CCDC178: variants seen among roughly 807,000 people sequenced by gnomAD.
CCDC178 encodes coiled-coil domain containing 178, also known as coiled-coil domain-containing protein 178.
A neutral mutation model predicts 117.4 loss-of-function variants in CCDC178; 126 were observed. The observed-to-expected ratio is 1.07, with a 90% CI of 0.93 to 1.24. The LOEUF (loss-of-function observed/expected upper bound fraction) is 1.24. Ranked by LOEUF, CCDC178 falls within the 50% of genes most tolerant of loss-of-function variation. The probability of loss-of-function intolerance (pLI) is 0.00; values close to 1 mark genes in which losing one functional copy is unlikely to be tolerated. For synonymous variants in CCDC178, 283 were observed against 313.4 expected (o/e 0.90, Z 1.02); for missense variants, 1,030 against 986.9 (o/e 1.04, Z -0.59).
At chr18:33,128,622 T>C (rs941264570) in intron 20 of CCDC178, among the ~76,000 whole-genome samples, 12 of 152,148 alleles carry the variant, frequency 7.9e-5, no homozygotes, top group Non-Finnish European at 1.0e-4. Context: ...AAAATTGCCT[T>C]TTTATTTAAT....
intron 20 of CCDC178, among the ~76,000 whole-genome samples, chr18:33,121,171 T>C (rs762919529): frequency 6.6e-6 from 1 of 152,152 alleles, no homozygotes; most frequent in Non-Finnish European, 1.5e-5. Flanking sequence ...GAAATTATCA[T>C]AGATAAACTG....
chr18:33,219,008 T>C (rs186332541), intron 18 of CCDC178, among the ~76,000 whole-genome samples: 2 of 152,258 alleles, frequency 1.3e-5, no homozygotes, highest in Admixed American at 1.3e-4. Context: ...GGTAGCTTGA[T>C]GGGGATGGCA....
chr18:33,150,829 T>C (rs914794336), intron 20 of CCDC178, among the ~76,000 whole-genome samples: 1 of 152,208 alleles, frequency 6.6e-6, no homozygotes. Context: ...TGCACACGGA[T>C]GGTTTATAGC....
chr18:33,390,130 GAT>G (rs758277830), intron 4 of CCDC178, among the ~76,000 whole-genome samples: 6 of 150,780 alleles, frequency 4.0e-5, no homozygotes, highest in Non-Finnish European at 5.9e-5. Context: ...AAATAAATAA[GAT>G]ATGTAGGATT....
chr18:33,047,429 T>C (rs1267469888), intron 21 of CCDC178, among the ~76,000 whole-genome samples: 3 of 152,212 alleles, frequency 2.0e-5, no homozygotes, highest in Admixed American at 6.5e-5. Context: ...CTGGCTATGT[T>C]TGTCAACTAT....
At chr18:33,264,912 G>A (rs556283369) in intron 14 of CCDC178, among the ~76,000 whole-genome samples, 19 of 152,056 alleles carry the variant, frequency 1.2e-4, no homozygotes, top group African/African-American at 4.3e-4. Context: ...GGGGTTGTGT[G>A]TTACTGCAGA....
chr18:33,085,301 C>A (rs2057363690), intron 21 of CCDC178, among the ~76,000 whole-genome samples: 1 of 152,202 alleles, frequency 6.6e-6, no homozygotes, highest in Admixed American at 6.5e-5. Context: ...CGGTGGCTCA[C>A]GCCTGTAATC....
chr18:33,383,515 A>C (rs2063461301), intron 5 of CCDC178, among the ~76,000 whole-genome samples: 1 of 151,966 alleles, frequency 6.6e-6, no homozygotes, highest in African/African-American at 2.4e-5. Context: ...TTCCAGAGGA[A>C]AGAGCAGGAA....
intron 21 of CCDC178, among the ~76,000 whole-genome samples, chr18:33,029,726 T>C (rs1266219476): frequency 6.6e-6 from 1 of 151,966 alleles, no homozygotes; most frequent in Non-Finnish European, 1.5e-5. Flanking sequence ...TTTTCTAATA[T>C]TCTGGTAATT....
chr18:33,391,313 G>GA (rs918268721), intron 4 of CCDC178, among the ~76,000 whole-genome samples: 3 of 151,290 alleles, frequency 2.0e-5, no homozygotes, highest in African/African-American at 7.3e-5. Flanking sequence ...TATTGTATTA[G>GA]AAAAAAATCT....
intron 22 of CCDC178, among the ~76,000 whole-genome samples, chr18:32,952,775 T>C (rs1207104136): frequency 3.4e-5 from 5 of 148,566 alleles, no homozygotes; most frequent in East Asian, 2.0e-4. Flanking sequence ...TTATAAACTT[T>C]TTTTTTTTTT....
chr18:33,320,625 G>T (rs1276367968), intron 11 of CCDC178, among the ~76,000 whole-genome samples: 1 of 152,174 alleles, frequency 6.6e-6, no homozygotes, highest in African/African-American at 2.4e-5. Context: ...CATGCTCATG[G>T]ATAGGAAGAA....
chr18:33,356,121 G>C (rs1942890357), intron 7 of CCDC178, among the ~76,000 whole-genome samples: 1 of 152,106 alleles, frequency 6.6e-6, no homozygotes, highest in African/African-American at 2.4e-5. Context: ...TTTTTGTGGA[G>C]GGGTGGAGCT....
intron 2 of CCDC178, among the ~76,000 whole-genome samples, chr18:33,421,497 G>A (rs1278826422): frequency 6.6e-6 from 1 of 152,164 alleles, no homozygotes; most frequent in Admixed American, 6.5e-5. Flanking sequence ...AGCTCAAAAT[G>A]AACCATGGTG....
intron 21 of CCDC178, among the ~76,000 whole-genome samples, chr18:33,008,567 T>C (rs758403910): frequency 1.6e-4 from 25 of 152,184 alleles, no homozygotes; most frequent in Non-Finnish European, 3.1e-4. Context: ...AAGTAAATCT[T>C]CTCATGCCCA....
At chr18:32,968,094 CCTGT>C (rs750986183) in intron 22 of CCDC178, among the ~76,000 whole-genome samples, 7 of 151,872 alleles carry the variant, frequency 4.6e-5, no homozygotes, top group South Asian at 2.1e-4. Flanking sequence ...ACTTATTTCT[CCTGT>C]CTAATTGTAA....
intron 2 of CCDC178, among the ~76,000 whole-genome samples, chr18:33,415,014 C>G (rs535412053): frequency 6.6e-6 from 1 of 152,154 alleles, no homozygotes; most frequent in Admixed American, 6.5e-5. Context: ...CCATCTCACA[C>G]CAGTTAGAAT....
At chr18:33,081,887 T>C (rs2057304040) in intron 21 of CCDC178, among the ~76,000 whole-genome samples, 1 of 152,200 alleles carries the variant, frequency 6.6e-6, no homozygotes, top group Non-Finnish European at 1.5e-5. Context: ...AAAAAGAACA[T>C]TTGTCATTTT....
intron 21 of CCDC178, among the ~76,000 whole-genome samples, chr18:33,044,546 G>A (rs2056607839): frequency 6.6e-6 from 1 of 151,856 alleles, no homozygotes; most frequent in Non-Finnish European, 1.5e-5. Context: ...TGACGATGTG[G>A]AGAAAAGAGA....
Sources: allele counts gnomAD v4.1 joint callset (sites outside exome capture counted in the v4.1 genomes callset), GRCh38; gene constraint gnomAD v4.1.1; transcripts MANE v1.5; gene names NCBI Gene and HGNC (gene_info 2026-07-23, HGNC 2026-07-21).